Variants in PLP1 observed in about 807,000 individuals in gnomAD.
PLP1 encodes myelin proteolipid protein.
A neutral mutation model predicts 18.5 loss-of-function variants in PLP1; 2 were observed. That is an observed-to-expected ratio of 0.11 (90% confidence interval 0.04 to 0.34). PLP1 has a LOEUF of 0.34. Among genes scored for constraint, PLP1 ranks in the 10% least tolerant of loss-of-function variants. The pLI is 1.00. For missense variants in PLP1, 105 were observed against 207.3 expected (o/e 0.51, Z 3.03); for synonymous variants, 86 against 83.2 (o/e 1.03, Z -0.19).
At chrX:103,787,111 G>A (rs2074503879) in intron 3 of PLP1, 1 of 213,430 alleles carries the variant, frequency 4.7e-6, no homozygotes, top group Admixed American at 6.5e-5. Context: ...CCTGATCTGA[G>A]AGGGAGGATG....
intron 2 of PLP1, 85 bp from the exon 3 acceptor site, chrX:103,786,380 G>T: frequency 1.9e-6 from 2 of 1,080,156 alleles, no homozygotes; most frequent in Non-Finnish European, 2.6e-6. Flanking sequence ...GCTCGCTCTG[G>T]TGTATACCTC....
chrX:103,788,379 C>T (rs2074516580), intron 4 of PLP1, 58 bp from the exon 5 acceptor site: 3 of 854,001 alleles, frequency 3.5e-6, no homozygotes, highest in Non-Finnish European at 5.3e-6. Context: ...GGGAAAGTCT[C>T]CATGTGGCCC....
Position 103,788,522 on chromosome X carries a change from A to T in PLP1, c.696+12A>T. ...GCAAAACAGCTGAGGTGAGTGGGTTATTTGGGTTATTTTACAAGGGAGTAG... is the reference window on the plus strand; with the variant it reads ...GCAAAACAGCTGAGGTGAGTGGGTTTTTTGGGTTATTTTACAAGGGAGTAG... On this transcript the variant is annotated intron_variant, in intron 5 of 6. Coordinates refer to ENST00000621218, the MANE Select transcript of PLP1 (RefSeq NM_000533.5). 1 of 1,152,874 alleles carries T rather than the reference A, an allele frequency of 8.7e-7. No individual in the cohort carries two copies. Among genetic ancestry groups the T allele is most frequent in the Non-Finnish European group, 1.2e-6 (1 of 841,798 alleles).
intron 2 of PLP1, 113 bp from the exon 3 acceptor site, chrX:103,786,352 C>T: frequency 9.5e-7 from 1 of 1,050,231 alleles, no homozygotes. Context: ...TCTAGAAAAT[C>T]CCTAGCCTTG....
intron 1 of PLP1, chrX:103,781,248 G>A: frequency 6.4e-6 from 2 of 313,117 alleles, no homozygotes; most frequent in South Asian, 5.5e-5. Context: ...GGAGCTCTTG[G>A]TGCCTGCTTA....
chrX:103,790,451 T>G, intron 6 of PLP1, 76 bp from the exon 7 acceptor site: 2 of 735,265 alleles, frequency 2.7e-6, no homozygotes, highest in South Asian at 4.2e-5. Context: ...CTACCCTTCC[T>G]CATTCCCAAA....
intron 1 of PLP1, among the ~76,000 whole-genome samples, chrX:103,785,369 G>T (rs1306133441): frequency 8.9e-6 from 1 of 112,543 alleles, no homozygotes; most frequent in Non-Finnish European, 1.9e-5. Context: ...GAGCCACCGT[G>T]CCCGGCCAAA....
chrX:103,787,073 T>C, intron 3 of PLP1: 1 of 255,684 alleles, frequency 3.9e-6, no homozygotes, highest in East Asian at 7.8e-5. Flanking sequence ...GAGTCTAAAA[T>C]GCTGCTCATG....
Position 103,790,968 on chromosome X carries a change from G to A in PLP1, c.*370G>A. 1 of 244,537 alleles carries A rather than the reference G, an allele frequency of 4.1e-6. No homozygotes were observed. The highest frequency in any genetic ancestry group is 2.8e-5 in the African/African-American group (1 of 35,778). 20.2% of individuals were successfully genotyped at this position (244,537 alleles called of 1,213,427 possible). On this transcript the variant is annotated 3_prime_UTR_variant, in exon 7 of 7. Coordinates refer to ENST00000621218, the MANE Select transcript of PLP1 (RefSeq NM_000533.5). ...TCCACTGATGGAAACAAAGTGGAAG[G>A]AAAGATGCTCAGGTACAGAGAAGGA...
intron 1 of PLP1, among the ~76,000 whole-genome samples, chrX:103,783,943 A>G (rs2074473990): frequency 8.9e-6 from 1 of 112,200 alleles, no homozygotes; most frequent in African/African-American, 3.2e-5. Flanking sequence ...GTATATATAC[A>G]TATATTTATA....
chrX:103,789,371 G>C lies in PLP1; in HGVS notation c.735G>C (p.Val245=). 8.3e-7 allele frequency: 1 copy of C among 1,207,531 alleles called. No individual in the cohort carries two copies. The highest frequency in any genetic ancestry group is 1.7e-5 in the African/African-American group (1 of 57,729). ...TCCACCTGTTTATTGCTGCATTTGT[G>C]GGGGCTGCAGCTACACTGGTTTCCC... ...MTFHLFIAAF[V]GAAATLVSLL... The change falls in exon 6 of 7, where the codon GTG becomes GTC. Residue 245 remains valine (V), a synonymous_variant. Transcript: ENST00000621218.
intron 1 of PLP1, among the ~76,000 whole-genome samples, chrX:103,782,368 T>C (rs2074460599): frequency 8.9e-6 from 1 of 112,122 alleles, no homozygotes. Context: ...GAAAAGGGGA[T>C]GCTAAGTTAT....
At chrX:103,785,183 A>T (rs1246832199) in intron 1 of PLP1, among the ~76,000 whole-genome samples, 1 of 110,080 alleles carries the variant, frequency 9.1e-6, no homozygotes, top group Non-Finnish European at 1.9e-5. Flanking sequence ...GGTTTAACAG[A>T]TTCTCCTGTC....
intron 3 of PLP1, chrX:103,787,578 C>T (rs1166784861): frequency 2.2e-6 from 1 of 450,805 alleles, no homozygotes; most frequent in Admixed American, 3.5e-5. Context: ...CACTCTTCCC[C>T]TACCCATTCC....
At chrX:103,787,531 A>C (rs1039160202) in intron 3 of PLP1, 12 of 418,796 alleles carry the variant, frequency 2.9e-5, no homozygotes, top group Non-Finnish European at 5.0e-5. Context: ...CTGCCCAAAA[A>C]CATCCTCTGA....
intron 1 of PLP1, 66 bp downstream of exon 1, chrX:103,777,065 A>C (rs1271242345): frequency 1.0e-5 from 10 of 1,002,502 alleles, no homozygotes; most frequent in Non-Finnish European, 1.4e-5. Flanking sequence ...AGAATTTCCA[A>C]CTTTGGGGTT....
At chrX:103,790,222 C>G (rs1467887335) in intron 6 of PLP1, among the ~76,000 whole-genome samples, 9 of 112,151 alleles carry the variant, frequency 8.0e-5, no homozygotes, top group Admixed American at 3.8e-4. Context: ...GTGGCAAAGC[C>G]CAAATATTGT....
chrX:103,785,632 C>G lies in PLP1; in HGVS notation c.55C>G (p.Leu19Val). 8.3e-7 allele frequency: 1 copy of G among 1,209,139 alleles called. No individual in the cohort carries two copies. The highest frequency in any genetic ancestry group is 1.1e-6 in the Non-Finnish European group (1 of 893,339). Residue 19 changes from leucine (L) to valine (V), a missense_variant, in exon 2 of 7, where the codon CTG becomes GTG. Physicochemically the swap from Leu to Val is conservative, Grantham distance 32. Coordinates refer to ENST00000621218, the MANE Select transcript of PLP1 (RefSeq NM_000533.5). ...RCLVGAPFAS[L>V]VATGLCFFGV... ...TCTGGTAGGGGCCCCCTTTGCTTCC[C>G]TGGTGGCCACTGGATTGTGTTTCTT... is the stretch of plus-strand genomic sequence containing the variant.
In PLP1 at chrX:103,777,728, T is replaced by C. The variant is rs746559581; in HGVS notation, c.4+729T>C. Among the ~76,000 whole-genome samples the C allele has an allele frequency of 8.0e-4, 90 of 112,259 alleles. 1 individual carries two copies. The highest frequency in any genetic ancestry group is 2.8e-3 in the African/African-American group (86 of 30,930). ...GCTAAGTTGGCTGAGTATTGAGGGC[T>C]TTTCTAGGTTCCGTGAACAAAGACA... On this transcript the variant is annotated intron_variant, in intron 1 of 6. Transcript: ENST00000621218.
Sources: allele counts gnomAD v4.1 joint callset (sites outside exome capture counted in the v4.1 genomes callset), GRCh38; gene constraint gnomAD v4.1.1; transcripts MANE v1.5; gene names NCBI Gene and HGNC (gene_info 2026-07-23, HGNC 2026-07-21).